YIPF2: variants seen among roughly 807,000 people sequenced by gnomAD.
YIPF2 encodes Yip1 domain family member 2.
In YIPF2, 30 loss-of-function variants were observed where a neutral mutation model predicts 38.8. That is an observed-to-expected ratio of 0.77 (90% CI 0.58 to 1.05). The LOEUF is 1.05. Ranked by LOEUF, YIPF2 falls within the 50% of genes least tolerant of loss-of-function variation. The pLI, the probability that YIPF2 is intolerant of heterozygous loss-of-function variation, is 0.00. For missense variants in YIPF2, 401 were observed against 409.7 expected (o/e 0.98, Z 0.18); for synonymous variants, 194 against 183.8 (o/e 1.06, Z -0.45).
At chr19:10,928,149 C>T (rs1311627026) in intron 2 of YIPF2, among the ~76,000 whole-genome samples, 190 bp from the exon 3 acceptor site, 2 of 151,056 alleles carry the variant, frequency 1.3e-5, no homozygotes, top group African/African-American at 4.9e-5. Context: ...TAAAGTGGAA[C>T]TGCAACTTAG....
chr19:10,922,876 G>A lies in YIPF2; in HGVS notation c.*318C>T, dbSNP rs892699177. The stretch of plus-strand genomic sequence containing the variant: ...TGTGTGCACCCAGGCAGGAGCGGGC[G>A]CTGTCCAGGCTGGGCCGCCCCCTTG... On this transcript the variant is annotated 3_prime_UTR_variant, in exon 10 of 10. Transcript: ENST00000586748. 7.9e-5 allele frequency: 13 copies of A among 163,852 alleles called. No individual in the cohort carries two copies. In the East Asian group the frequency reaches 1.5e-3, roughly 19 times the overall value. 10.1% of individuals were successfully genotyped at this position (163,852 alleles called of 1,614,324 possible).
At chr19:10,925,982 C>T (rs1490165277) in intron 4 of YIPF2, among the ~76,000 whole-genome samples, 7 of 149,280 alleles carry the variant, frequency 4.7e-5, no homozygotes, top group East Asian at 2.0e-4. Context: ...ATGATCTCGG[C>T]TCACTGCAAC....
At chr19:10,924,224 GC>G in intron 5 of YIPF2, 32 bp from the exon 6 acceptor site, 1 of 1,575,550 alleles carries the variant, frequency 6.3e-7, no homozygotes. Flanking sequence ...AGGGTCCCGG[GC>G]CCTGCACTCC....
At position 10,924,198 on chromosome 19, in the gene YIPF2, G is replaced by A. The variant is rs763412596; in HGVS notation, c.368-6C>T. The A allele has an allele frequency of 1.5e-5, 24 of 1,608,708 alleles. 2 individuals are homozygous for A. The South Asian group carries it at 2.6e-4, about 18-fold the overall frequency. On this transcript the variant is annotated splice_polypyrimidine_tract_variant and splice_region_variant and intron_variant, in intron 5 of 9. Transcript: ENST00000586748. ...GGCACAGATCCAGAAGGGGCCTGGG[G>A]GTAGGGGGCACAGTCAGGGTCCCGG...
rs2083444597 is a variant in YIPF2 at position 10,927,500 on chromosome 19, A to G, written c.279+130T>C. On this transcript the variant is annotated intron_variant, in intron 4 of 9. Transcript: ENST00000586748. ...ATAGTCCCGATCCATAACCAGTCCC[A>G]CCATAACCCTTTGAGAGCACCACAG... 7.5e-6 allele frequency: 9 copies of G among 1,203,580 alleles called. No homozygotes were observed. In the South Asian group the frequency reaches 1.3e-4, roughly 18 times the overall value. The allele number at this position is 1,203,580 out of a possible 1,614,324, so 74.6% of individuals were successfully genotyped here.
Position 10,927,979 on chromosome 19 carries a change from G to A in YIPF2, c.32-20C>T. 3.1e-6 allele frequency: 5 copies of A among 1,588,766 alleles called. No individual in the cohort carries two copies. Among genetic ancestry groups the A allele is most frequent in the Non-Finnish European group, 4.3e-6 (5 of 1,159,784 alleles). ...CGAATTCTGTGGAGGAGGTATATGG[G>A]ACACACGCACGTTTGAGGGGTGGAA... On this transcript the variant is annotated intron_variant, in intron 2 of 9. Coordinates refer to ENST00000586748, the MANE Select transcript of YIPF2 (RefSeq NM_001321439.2).
rs576772132 is a variant in YIPF2, at chr19:10,923,574, C to T, written c.755G>A (p.Arg252His). Residue 252 changes from arginine (R) to histidine (H), a missense_variant, in exon 8 of 10, where the codon CGT (arginine) becomes CAT (histidine). By Grantham distance (29) the Arg-to-His change is conservative (BLOSUM62 0). Transcript: ENST00000586748. Reference sequence around the variant, plus strand: ...TGTGGCCACCAGCCTGGTGTCCTCACGGACCACGGGCCAGAGGGTGAATAC... The same window carrying T: ...TGTGGCCACCAGCCTGGTGTCCTCATGGACCACGGGCCAGAGGGTGAATAC... ...GLVFTLWPVV[R>H]EDTRLVATVL... 1.0e-4 allele frequency: 168 copies of T among 1,612,736 alleles called. No individual in the cohort carries two copies. In the South Asian group the frequency reaches 1.5e-3, roughly 14 times the overall value.
Position 10,928,313 on chromosome 19 carries a change from C to T in YIPF2, c.31+67G>A, listed in dbSNP as rs561952514. 4.1e-5 allele frequency: 54 copies of T among 1,323,020 alleles called. No individual in the cohort carries two copies. In the African/African-American group the frequency reaches 7.9e-4, roughly 19 times the overall value. The allele number at this position is 1,323,020 out of a possible 1,614,324, so 82.0% of individuals were successfully genotyped here. On this transcript the variant is annotated intron_variant, in intron 2 of 9. Coordinates refer to ENST00000586748, the MANE Select transcript of YIPF2 (RefSeq NM_001321439.2). ...GCTTCGGGGTAGAGAAATTGGAAGC[C>T]GTATCGGGGGGAGGTTCTGGCCCGG...
Position 10,924,096 on chromosome 19 carries a change from TA to T in YIPF2, c.463del (p.Tyr155ThrfsTer8). 1 of 1,613,860 alleles carries T rather than the reference TA, an allele frequency of 6.2e-7. No individual in the cohort carries two copies. Among genetic ancestry groups the T allele is most frequent in the South Asian group, 1.1e-5 (1 of 91,072 alleles). The part of the protein sequence containing the change: ...LAQRRDPSIH[Y>X]SPQFHKVTVA... ...CTTACCCTTGTGGAACTGGGGGCTG[TA>T]GTGGATGGAGGGGTCCCTCCTCTGG... On this transcript the variant is annotated frameshift_variant, in exon 6 of 10. Transcript: ENST00000586748. LOFTEE classifies it high-confidence loss of function.
In YIPF2 at chr19:10,923,647, G is replaced by A. The variant is rs2074307983; in HGVS notation, c.682C>T (p.Gln228Ter). Reference protein sequence around the residue: ...VLWLIPVPWLQWLFGALALGL... With the variant: ...VLWLIPVPWL The stretch of plus-strand genomic sequence containing the variant: ...AGGGCCAGCGCCCCAAAGAGCCACT[G>A]CAGCCAAGGCACAGGGATGAGCCAC... Residue 228 changes from glutamine (Q) to a stop codon, truncating the protein, a stop_gained, in exon 8 of 10, where the codon CAG becomes TAG. Transcript: ENST00000586748. LOFTEE classifies it high-confidence loss of function. The A allele has an allele frequency of 8.1e-6, 13 of 1,612,040 alleles. No individual in the cohort carries two copies. In the East Asian group the frequency reaches 2.7e-4, roughly 33 times the overall value.
At position 10,922,828 on chromosome 19, in the gene YIPF2, G is replaced by C. The variant is rs2074281043; in HGVS notation, c.*366C>G. 1 of 154,910 alleles carries C rather than the reference G, an allele frequency of 6.5e-6. No individual in the cohort carries two copies. Among genetic ancestry groups the C allele is most frequent in the African/African-American group, 2.4e-5 (1 of 41,576 alleles). 9.6% of individuals were successfully genotyped at this position (154,910 alleles called of 1,614,324 possible). A position where few individuals can be genotyped will look rare whatever the true frequency, so the allele number is the denominator to read the frequency against. ...CCTGTTTCTCATACCCCCAAACTCA[G>C]ATGCTGGAGCTCAGGCCCGCCGTGT... On this transcript the variant is annotated 3_prime_UTR_variant, in exon 10 of 10. Coordinates refer to ENST00000586748, the MANE Select transcript of YIPF2 (RefSeq NM_001321439.2).
Position 10,928,403 on chromosome 19 carries a change from G to A in YIPF2, c.8C>T (p.Ser3Leu). 1.5e-6 allele frequency: 2 copies of A among 1,333,122 alleles called. No homozygotes were observed. Among genetic ancestry groups the A allele is most frequent in the Non-Finnish European group, 9.6e-7 (1 of 1,036,932 alleles). 82.6% of individuals were successfully genotyped at this position (1,333,122 alleles called of 1,614,324 possible). The change falls in exon 2 of 10, where the codon TCG (serine) becomes TTG (leucine). Residue 3 changes from serine (S) to leucine (L), a missense_variant. Ser to Leu is a moderately radical substitution (Grantham distance 145). Transcript: ENST00000586748. ...ACCATGGAAGGTCAGCTCGTCGGCC[G>A]ATGCCATGGTCGTTCAGGGGCGTCT... is the stretch of plus-strand genomic sequence containing the variant. Reference protein sequence around the residue: MASADELTFHEFE... With the variant: MALADELTFHEFE...
Position 10,923,976 on chromosome 19 carries a change from AG to A in YIPF2, c.507del (p.Tyr170ThrfsTer181). The A allele has an allele frequency of 6.2e-7, 1 of 1,613,354 alleles. No individual in the cohort carries two copies. The highest frequency in any genetic ancestry group is 1.1e-5 in the South Asian group (1 of 91,054). ...FHKVTVAGIS[I>X]YCYAWLVPLA... ...AGGGGCACCAGCCACGCATAGCAGT[AG>A]ATGCTGATGCCTGCCACGGTCACTG... On this transcript the variant is annotated frameshift_variant, in exon 7 of 10. Coordinates refer to ENST00000586748, the MANE Select transcript of YIPF2 (RefSeq NM_001321439.2). LOFTEE classifies it high-confidence loss of function.
At position 10,927,801 on chromosome 19, in the gene YIPF2, C is replaced by G; in HGVS notation, c.190G>C (p.Ala64Pro). ...GGAGGCAGGACACAGGGACTCACCG[C>G]GGCCTTGTCACTCTCCTCCTCCACC... is the stretch of plus-strand genomic sequence containing the variant. The part of the protein sequence containing the change: ...DEVEEESDKA[A>P]LLQEQQQQQQ... Residue 64 changes from alanine (A) to proline (P), a missense_variant and splice_region_variant, in exon 3 of 10, where the codon GCG becomes CCG. Coordinates refer to ENST00000586748, the MANE Select transcript of YIPF2 (RefSeq NM_001321439.2). 1 of 1,606,904 alleles carries G rather than the reference C, an allele frequency of 6.2e-7. No homozygotes were observed. The highest frequency in any genetic ancestry group is 8.5e-7 in the Non-Finnish European group (1 of 1,176,044).
At chr19:10,927,363 T>C (rs535514987) in intron 4 of YIPF2, among the ~76,000 whole-genome samples, 2 of 152,280 alleles carry the variant, frequency 1.3e-5, no homozygotes, top group East Asian at 3.9e-4. Flanking sequence ...CCTGCTTCCC[T>C]ACCCTATTCC....
chr19:10,923,390 C>T lies in YIPF2; in HGVS notation c.852G>A (p.Ser284=), dbSNP rs940041420. ...AMGCKLYFFQ[S]LPPENVAPPP... is the part of the protein sequence containing the mutation. ...GAGGAGCCACGTTCTCCGGAGGCAGCGACTGGAAGAAGTACAACTGCACAA... is the reference window on the plus strand; with the variant it reads ...GAGGAGCCACGTTCTCCGGAGGCAGTGACTGGAAGAAGTACAACTGCACAA... Residue 284 remains serine (S), a synonymous_variant, in exon 9 of 10, where the codon TCG becomes TCA. Coordinates refer to ENST00000586748, the MANE Select transcript of YIPF2 (RefSeq NM_001321439.2). 9 of 1,613,370 alleles carry T rather than the reference C, an allele frequency of 5.6e-6. No homozygotes were observed. The highest frequency in any genetic ancestry group is 1.6e-4 in the Middle Eastern group (1 of 6,076).
Position 10,923,477 on chromosome 19 carries a change from G to A in YIPF2, c.834+18C>T. The A allele has an allele frequency of 6.2e-7, 1 of 1,612,716 alleles. No homozygotes were observed. Among genetic ancestry groups the A allele is most frequent in the Non-Finnish European group, 8.5e-7 (1 of 1,179,582 alleles). ...CCCTAGCCCCTCGGCCCCACCTGTGGCCACCCCAGACCCGTACCTTACAGC... is the reference window on the plus strand; with the variant it reads ...CCCTAGCCCCTCGGCCCCACCTGTGACCACCCCAGACCCGTACCTTACAGC... On this transcript the variant is annotated intron_variant, in intron 8 of 9. Coordinates refer to ENST00000586748, the MANE Select transcript of YIPF2 (RefSeq NM_001321439.2).
Position 10,923,136 on chromosome 19 carries a change from G to A in YIPF2, c.*58C>T. ...AGGAGCCTTCAGTCATCGTCTGGGG[G>A]GCAGGACAGGCAGAGGGGTTGGTCC... On this transcript the variant is annotated 3_prime_UTR_variant, in exon 10 of 10. Coordinates refer to ENST00000586748, the MANE Select transcript of YIPF2 (RefSeq NM_001321439.2). 1.5e-6 allele frequency: 1 copy of A among 651,728 alleles called. No individual in the cohort carries two copies. Among genetic ancestry groups the A allele is most frequent in the South Asian group, 2.3e-5 (1 of 43,014 alleles). The allele number at this position is 651,728 out of a possible 1,614,324, so 40.4% of individuals were successfully genotyped here. A position where few individuals can be genotyped will look rare whatever the true frequency, so the allele number is the denominator to read the frequency against.
At position 10,924,393 on chromosome 19, in the gene YIPF2, C is replaced by A. The variant is rs2304085; in HGVS notation, c.368-201G>T. ...CCTCCCCGAAACACTCAGGACTGCA[C>A]ACCCTTGGCCTGTGTCTCACCTCAT... On this transcript the variant is annotated intron_variant, in intron 5 of 9. Coordinates refer to ENST00000586748, the MANE Select transcript of YIPF2 (RefSeq NM_001321439.2). Among the ~76,000 whole-genome samples the A allele has an allele frequency of 5.9e-5, 9 of 152,270 alleles. 1 individual carries two copies. The East Asian group carries it at 1.7e-3, about 29-fold the overall frequency.
Sources: gnomAD v4.1 joint callset for allele counts (sites outside exome capture counted in the v4.1 genomes callset) on GRCh38, gnomAD v4.1.1 for gene constraint, MANE v1.5 for transcripts, NCBI Gene and HGNC (gene_info 2026-07-23, HGNC 2026-07-21) for gene names.